SLX4: variants seen among roughly 807,000 people sequenced by gnomAD.
SLX4 encodes the protein SLX4 structure-specific endonuclease subunit, also known as structure-specific endonuclease subunit SLX4.
A neutral mutation model predicts 146.2 loss-of-function variants in SLX4; 112 were observed. The ratio of observed to expected loss-of-function variants is 0.77; its 90% CI spans 0.66 to 0.90. The LOEUF (loss-of-function observed/expected upper bound fraction) is 0.90, where lower values mean the gene tolerates loss of function less well. Ranked by LOEUF, SLX4 falls within the 40% of genes least tolerant of loss-of-function variation. The probability of loss-of-function intolerance (pLI) is 0.00; values close to 1 mark genes in which losing one functional copy is unlikely to be tolerated. For synonymous variants in SLX4, 1,061 were observed against 997.7 expected (o/e 1.06, Z -1.20); for missense variants, 2,563 against 2,392.7 (o/e 1.07, Z -1.49).
rs2040737009 is a variant in SLX4 at position 3,602,308 on chromosome 16, C to T, written c.761-1G>A. Reference sequence around the variant, plus strand: ...GGGGCAGGGGGCCCAAGCCCATACACTGTGGAGAAGCACCAAAGATCCGTG... The same window carrying T: ...GGGGCAGGGGGCCCAAGCCCATACATTGTGGAGAAGCACCAAAGATCCGTG... On this transcript the variant is annotated splice_acceptor_variant, in intron 3 of 14. Coordinates refer to ENST00000294008, the MANE Select transcript of SLX4 (RefSeq NM_032444.4). LOFTEE classifies it high-confidence loss of function. 6.2e-7 allele frequency: 1 copy of T among 1,613,824 alleles called. No homozygotes were observed. Among genetic ancestry groups the T allele is most frequent in the Non-Finnish European group, 8.5e-7 (1 of 1,180,046 alleles).
rs2040443560 is a variant in SLX4 at position 3,582,193 on chromosome 16, GTCA to G, written c.*146_*148del. On this transcript the variant is annotated 3_prime_UTR_variant, in exon 15 of 15. Transcript: ENST00000294008. ...GGAGGAAGCCCTGGATTGGGCTGTG[GTCA>G]TCATCACAGCGCAGAGCTGATGTGG... The G allele has an allele frequency of 1.1e-5, 7 of 662,708 alleles. No homozygotes were observed. The highest frequency in any genetic ancestry group is 1.8e-5 in the Non-Finnish European group (7 of 383,428). The allele number at this position is 662,708 out of a possible 1,614,324, so 41.1% of individuals were successfully genotyped here.
chr16:3,590,722 G>A lies in SLX4; in HGVS notation c.2916C>T (p.Gly972=), dbSNP rs1360307071. Residue 972 remains glycine (G), a synonymous_variant, in exon 12 of 15, where the codon GGC becomes GGT. Transcript: ENST00000294008. This position sits in a 1 kb window ranked among gnomAD's most constrained non-coding sequence, Gnocchi z 4.8. ...SRDCQAERKE[G]SLPHSDDAGD... is the part of the protein sequence containing the mutation. ...CGGCATCATCTGAGTGCGGAAGAGA[G>A]CCTTCTTTTCTCTCTGCCTGGCAGT... 2 of 1,614,150 alleles carry A rather than the reference G, an allele frequency of 1.2e-6. No homozygotes were observed.
chr16:3,594,876 G>A (rs2040633523), intron 9 of SLX4, among the ~76,000 whole-genome samples: 1 of 152,178 alleles, frequency 6.6e-6, no homozygotes, highest in Non-Finnish European at 1.5e-5. Context: ...GGCTAGATGT[G>A]AACTCACAGT....
Position 3,583,346 on chromosome 16 carries a change from T to C in SLX4, c.4904A>G (p.Lys1635Arg). ...HCQTLASQTY[K>R]PSRAGVHAQQ... is the part of the protein sequence containing the mutation. The stretch of plus-strand genomic sequence containing the variant: ...GGCATGGACCCCTGCCCTTGAAGGC[T>C]TGTAGGTCTGGGAGGCGAGGGTCTG... The change falls in exon 14 of 15, where the codon AAG becomes AGG. Residue 1635 changes from lysine (K) to arginine (R), a missense_variant. Transcript: ENST00000294008. 6.2e-7 allele frequency: 1 copy of C among 1,613,654 alleles called. No individual in the cohort carries two copies. Among genetic ancestry groups the C allele is most frequent in the Non-Finnish European group, 8.5e-7 (1 of 1,179,712 alleles).
intron 14 of SLX4, 48 bp from the exon 15 acceptor site, chr16:3,582,741 C>T (rs2040455289): frequency 2.0e-6 from 3 of 1,520,876 alleles, no homozygotes; most frequent in East Asian, 2.3e-5. Context: ...TCTCTCCAGC[C>T]CCTGAGACCA....
chr16:3,584,770 T>C lies in SLX4; in HGVS notation c.4738A>G (p.Arg1580Gly), dbSNP rs1423085968. The C allele has an allele frequency of 1.2e-6, 2 of 1,611,856 alleles. No individual in the cohort carries two copies. The highest frequency in any genetic ancestry group is 2.2e-5 in the South Asian group (2 of 91,036). ...CAACAAGCTTTGAAGACCGCCAACC[T>C]ATCCAGTTCCTTCTTCAGCACCGGC... is the stretch of plus-strand genomic sequence containing the variant. ...ETPVLKKELD[R>G]FGVRPLPKRQ... Residue 1580 changes from arginine to glycine, a missense_variant and splice_region_variant, in exon 13 of 15, where the codon AGG becomes GGG. Physicochemically the swap from Arg to Gly is moderately radical, Grantham distance 125. Transcript: ENST00000294008.
intron 5 of SLX4, 37 bp from the exon 6 acceptor site, chr16:3,598,036 G>A: frequency 6.2e-7 from 1 of 1,612,540 alleles, no homozygotes; most frequent in Non-Finnish European, 8.5e-7. Flanking sequence ...ACTGGGGCTA[G>A]AGGAGTGCAC....
At position 3,583,321 on chromosome 16, in the gene SLX4, G is replaced by T. The variant is rs1213865580; in HGVS notation, c.4929C>A (p.Ala1643=). 6.2e-7 allele frequency: 1 copy of T among 1,614,068 alleles called. No homozygotes were observed. Among genetic ancestry groups the T allele is most frequent in the African/African-American group, 1.3e-5 (1 of 75,018 alleles). Residue 1643 remains alanine, a synonymous_variant, in exon 14 of 15, where the codon GCC becomes GCA. Transcript: ENST00000294008. ...CAGGTCCTGTGGTGGCCTCCTGCTG[G>T]GCATGGACCCCTGCCCTTGAAGGCT... is the stretch of plus-strand genomic sequence containing the variant. ...TYKPSRAGVH[A]QQEATTGPGA...
At chr16:3,585,403 G>A (rs1018831114) in intron 12 of SLX4, among the ~76,000 whole-genome samples, 1 of 152,026 alleles carries the variant, frequency 6.6e-6, no homozygotes, top group Non-Finnish European at 1.5e-5. Flanking sequence ...TGGCTAACAC[G>A]GTGAAACCCC....
Position 3,584,757 on chromosome 16 carries a change from A to C in SLX4, c.4739+12T>G. ...AGACCACTGTGGGCAACAAGCTTTG[A>C]AGACCGCCAACCTATCCAGTTCCTT... On this transcript the variant is annotated intron_variant, in intron 13 of 14. Transcript: ENST00000294008. The C allele has an allele frequency of 6.2e-7, 1 of 1,604,894 alleles. No homozygotes were observed. Among genetic ancestry groups the C allele is most frequent in the Non-Finnish European group, 8.5e-7 (1 of 1,171,800 alleles).
In SLX4 at chr16:3,595,658, C is replaced by G. The variant is rs761694481; in HGVS notation, c.1960G>C (p.Gly654Arg). Residue 654 changes from glycine to arginine, a missense_variant, in exon 9 of 15, where the codon GGG (glycine) becomes CGG (arginine). Coordinates refer to ENST00000294008, the MANE Select transcript of SLX4 (RefSeq NM_032444.4). ...TTGTCCTGCGATGGCACCACAAACC[C>G]AGTCAGAGGAAGGCCGCCGGGCACC... ...DVVPGGLPLT[G>R]FVVPSQDKHP... 1.9e-6 allele frequency: 3 copies of G among 1,614,112 alleles called. No individual in the cohort carries two copies. The South Asian group carries it at 3.3e-5, about 18-fold the overall frequency.
In SLX4 at chr16:3,597,920, C is replaced by G; in HGVS notation, c.1243G>C (p.Glu415Gln). The G allele has an allele frequency of 6.2e-7, 1 of 1,614,156 alleles. No homozygotes were observed. Among genetic ancestry groups the G allele is most frequent in the African/African-American group, 1.3e-5 (1 of 75,054 alleles). ...ACCAGCAGGTCCTCGGACGGTGCCT[C>G]GTCCACCTTCCGCCTCTTCCGTGGC... ...KEPRKRRKVD[E>Q]APSEDLLVAM... Residue 415 changes from glutamate (E) to glutamine (Q), a missense_variant, in exon 6 of 15, where the codon GAG (glutamate) becomes CAG (glutamine). Transcript: ENST00000294008. This position sits in a 1 kb window ranked among gnomAD's most constrained non-coding sequence, Gnocchi z 4.4.
intron 4 of SLX4, chr16:3,601,913 A>G: frequency 3.4e-6 from 2 of 587,196 alleles, no homozygotes; most frequent in East Asian, 6.1e-5. Context: ...ATATCCCAAA[A>G]GTAGTGATTT....
At position 3,597,527 on chromosome 16, in the gene SLX4, C is replaced by G; in HGVS notation, c.1535G>C (p.Gly512Ala). 6.2e-7 allele frequency: 1 copy of G among 1,614,150 alleles called. No homozygotes were observed. The highest frequency in any genetic ancestry group is 8.5e-7 in the Non-Finnish European group (1 of 1,180,040). ...PLPASRILKE[G>A]WERAGQCPPP... ...AGGACACTGGCCCGCTCTTTCCCAC[C>G]CTTCCTTTAAAATCCTGCTGGCAGG... The change falls in exon 7 of 15, where the codon GGG (glycine) becomes GCG (alanine). Residue 512 changes from glycine (G) to alanine (A), a missense_variant. By Grantham distance (60) the Gly-to-Ala change is moderately conservative. Coordinates refer to ENST00000294008, the MANE Select transcript of SLX4 (RefSeq NM_032444.4). This position sits in a 1 kb window ranked among gnomAD's most constrained non-coding sequence, Gnocchi z 4.4.
At chr16:3,588,385 C>T (rs1192168694) in intron 12 of SLX4, among the ~76,000 whole-genome samples, 1 of 152,254 alleles carries the variant, frequency 6.6e-6, no homozygotes, top group African/African-American at 2.4e-5. Flanking sequence ...GGGTCGTCCA[C>T]GCGGTAGCGT....
intron 3 of SLX4, among the ~76,000 whole-genome samples, chr16:3,603,156 C>T (rs1354898871): frequency 1.3e-5 from 2 of 152,168 alleles, no homozygotes; most frequent in African/African-American, 4.8e-5. Context: ...CGGGTCCAAG[C>T]GATTCTCCTG....
intron 14 of SLX4, 114 bp downstream of exon 14, chr16:3,582,983 G>T: frequency 7.2e-7 from 1 of 1,391,090 alleles, no homozygotes; most frequent in Non-Finnish European, 1.0e-6. Context: ...GTCAAACCCA[G>T]AAGGTGACGG....
At chr16:3,610,295 T>C (rs1596535715) in intron 1 of SLX4, among the ~76,000 whole-genome samples, 1 of 152,218 alleles carries the variant, frequency 6.6e-6, no homozygotes, top group African/African-American at 2.4e-5. Context: ...CGCATTCTCT[T>C]CTGTGTCTTC....
chr16:3,600,570 T>A (rs1460896208), intron 5 of SLX4: 2 of 204,434 alleles, frequency 9.8e-6, no homozygotes, highest in African/African-American at 5.0e-5. Context: ...GGGCTCTTTT[T>A]CCCTCCAACA....
Sources: gnomAD v4.1 joint callset for allele counts (sites outside exome capture counted in the v4.1 genomes callset) on GRCh38, gnomAD v4.1.1 for gene constraint, Gnocchi (gnomAD v3.1) non-coding constraint, MANE v1.5 for transcripts, NCBI Gene and HGNC (gene_info 2026-07-23, HGNC 2026-07-21) for gene names.